ITPR1: variants seen among roughly 807,000 people sequenced by gnomAD.
The protein encoded by ITPR1 is inositol 1,4,5-trisphosphate-gated calcium channel ITPR1.
Under a neutral mutation model 318.4 loss-of-function variants are expected in ITPR1, and 96 were observed. That is an observed-to-expected ratio of 0.30 (90% CI 0.26 to 0.36). ITPR1 has a LOEUF of 0.36. Among genes scored for constraint, ITPR1 ranks in the 10% least tolerant of loss-of-function variants. ITPR1 has a pLI of 1.00. For missense variants in ITPR1, 2,440 were observed against 3,460.2 expected, an observed-to-expected ratio of 0.71 and a Z score of 7.40; for synonymous variants, 1,312 against 1,289.9, an observed-to-expected ratio of 1.02 and a Z score of -0.37.
intron 40 of ITPR1, among the ~76,000 whole-genome samples, chr3:4,721,117 T>C (rs1447402214): frequency 6.8e-6 from 1 of 146,360 alleles, no homozygotes; most frequent in African/African-American, 2.5e-5. Context: ...GATATATATA[T>C]ATATATATTT....
At chr3:4,815,469 T>C (rs2049231841) in intron 59 of ITPR1, among the ~76,000 whole-genome samples, 1 of 152,216 alleles carries the variant, frequency 6.6e-6, no homozygotes, top group Non-Finnish European at 1.5e-5. Flanking sequence ...TGTAACATCA[T>C]TTAGTCATTT....
At chr3:4,628,502 A>G (rs576468294) in intron 5 of ITPR1, among the ~76,000 whole-genome samples, 1 of 152,282 alleles carries the variant, frequency 6.6e-6, no homozygotes, top group African/African-American at 2.4e-5. Context: ...TAGTTCTTTT[A>G]GTGCCCTGCA....
Position 4,766,610 on chromosome 3 carries a change from C to A in ITPR1, c.5625C>A (p.Ala1875=). The change falls in exon 45 of 62, where the codon GCC becomes GCA. Residue 1875 remains alanine (A), a synonymous_variant. Transcript: ENST00000649015. ...TGTTTTATGACCGGATGAAGGTGGCCCAGCAAGAAATCAAAGCAACAGTGA... is the reference window on the plus strand; with the variant it reads ...TGTTTTATGACCGGATGAAGGTGGCACAGCAAGAAATCAAAGCAACAGTGA... The part of the protein sequence containing the change: ...FKVFYDRMKV[A]QQEIKATVTV... 1 of 1,613,540 alleles carries A rather than the reference C, an allele frequency of 6.2e-7. No individual in the cohort carries two copies. The highest frequency in any genetic ancestry group is 8.5e-7 in the Non-Finnish European group (1 of 1,179,648).
At chr3:4,614,141 C>T (rs189725689) in intron 4 of ITPR1, among the ~76,000 whole-genome samples, 156 of 152,318 alleles carry the variant, frequency 1.0e-3, no homozygotes, top group Non-Finnish European at 1.7e-3. Flanking sequence ...CAGTGCATAC[C>T]TCTAGTCCCA....
chr3:4,573,141 T>C (rs919374148), intron 4 of ITPR1, among the ~76,000 whole-genome samples: 1 of 152,222 alleles, frequency 6.6e-6, no homozygotes, highest in African/African-American at 2.4e-5. Context: ...AGCTCTACTT[T>C]TGATTTTTTG....
chr3:4,754,325 T>G (rs1393506703), intron 44 of ITPR1, among the ~76,000 whole-genome samples: 2 of 152,132 alleles, frequency 1.3e-5, no homozygotes, highest in African/African-American at 4.8e-5. Context: ...CACTGGACCC[T>G]CCTCCCGGGA....
intron 4 of ITPR1, among the ~76,000 whole-genome samples, chr3:4,611,812 C>G (rs527637229): frequency 6.6e-6 from 1 of 152,022 alleles, no homozygotes; most frequent in Non-Finnish European, 1.5e-5. Context: ...GAAAATTTTA[C>G]ACTTGAAAAT....
At chr3:4,533,547 T>C (rs1346373251) in intron 4 of ITPR1, among the ~76,000 whole-genome samples, 1 of 152,238 alleles carries the variant, frequency 6.6e-6, no homozygotes, top group Non-Finnish European at 1.5e-5. Flanking sequence ...AGAGTGGCTA[T>C]TGTGACTGAA....
At chr3:4,544,298 A>G (rs765652126) in intron 4 of ITPR1, among the ~76,000 whole-genome samples, 4 of 152,096 alleles carry the variant, frequency 2.6e-5, no homozygotes, top group Admixed American at 6.5e-5. Flanking sequence ...TTCTCCTTCC[A>G]TCTAGTTTTT....
chr3:4,669,537 C>T lies in ITPR1; in HGVS notation c.1887-117C>T. 3.2e-6 allele frequency: 3 copies of T among 935,492 alleles called. No individual in the cohort carries two copies. The South Asian group carries it at 5.8e-5, about 18-fold the overall frequency. 57.9% of individuals were successfully genotyped at this position (935,492 alleles called of 1,614,324 possible). A position where few individuals can be genotyped will look rare whatever the true frequency, so the allele number is the denominator to read the frequency against. Reference sequence around the variant, plus strand: ...AACATTGGCATCAAGACTTAGAATGCTGCTGACATGTCTTGGTAAAGGTAT... The same window carrying T: ...AACATTGGCATCAAGACTTAGAATGTTGCTGACATGTCTTGGTAAAGGTAT... On this transcript the variant is annotated intron_variant, in intron 18 of 61. Transcript: ENST00000649015.
At chr3:4,494,677 T>A (rs1351539108) in intron 2 of ITPR1, among the ~76,000 whole-genome samples, 171 bp downstream of exon 2, 1 of 152,070 alleles carries the variant, frequency 6.6e-6, no homozygotes, top group African/African-American at 2.4e-5. Flanking sequence ...GGAGCAGAGG[T>A]CCAGTGGACA....
intron 4 of ITPR1, among the ~76,000 whole-genome samples, chr3:4,553,418 G>T (rs1297930556): frequency 6.6e-6 from 1 of 151,982 alleles, no homozygotes; most frequent in Admixed American, 6.6e-5. Context: ...TTTGAAGTTT[G>T]TTCTTGCTAT....
intron 50 of ITPR1, among the ~76,000 whole-genome samples, chr3:4,783,182 C>T (rs1047852249): frequency 2.0e-5 from 3 of 152,144 alleles, no homozygotes; most frequent in Admixed American, 6.5e-5. Context: ...TTTGGGGATA[C>T]GGCAATACTT....
chr3:4,812,599 T>C (rs2049010394), intron 56 of ITPR1, among the ~76,000 whole-genome samples: 1 of 152,204 alleles, frequency 6.6e-6, no homozygotes, highest in South Asian at 2.1e-4. Context: ...AGTGAAATAC[T>C]ACTGGTTTTT....
At chr3:4,769,029 C>T (rs1211572795) in intron 46 of ITPR1, among the ~76,000 whole-genome samples, 4 of 151,904 alleles carry the variant, frequency 2.6e-5, no homozygotes, top group African/African-American at 9.7e-5. Flanking sequence ...CCTTCCTCAG[C>T]TTCCCAAGTA....
chr3:4,767,707 T>G (rs1350762824), intron 45 of ITPR1, among the ~76,000 whole-genome samples: 1 of 152,188 alleles, frequency 6.6e-6, no homozygotes. Context: ...ATTTTTTGTT[T>G]TGTAGAGATG....
At chr3:4,742,572 T>C (rs963176045) in intron 44 of ITPR1, among the ~76,000 whole-genome samples, 4 of 152,214 alleles carry the variant, frequency 2.6e-5, no homozygotes, top group African/African-American at 9.7e-5. Flanking sequence ...GCACCTCACG[T>C]GGCATCTGGC....
rs56738231 is a variant in ITPR1, at chr3:4,609,001, T to TAA, written c.164-18739_164-18738dup. 2.8e-3 allele frequency among the ~76,000 whole-genome samples: 149 copies of TAA among 53,440 alleles called. 2 individuals carry two copies. Among genetic ancestry groups the TAA allele is most frequent in the Middle Eastern group, 0.02 (1 of 50 alleles). The allele number at this position is 53,440 out of a possible 152,430, so 35.1% of individuals were successfully genotyped here. A position where few individuals can be genotyped will look rare whatever the true frequency, so the allele number is the denominator to read the frequency against. On this transcript the variant is annotated intron_variant, in intron 4 of 61. Coordinates refer to ENST00000649015, the MANE Select transcript of ITPR1 (RefSeq NM_001378452.1). ...GGATAACAGAGTGAGACTCCGTCTTTAAAAAAAAAAAAAAAAAAAAAAAAC... is the reference window on the plus strand; with the variant it reads ...GGATAACAGAGTGAGACTCCGTCTTTAAAAAAAAAAAAAAAAAAAAAAAAAAC...
At chr3:4,566,467 G>A (rs1270501307) in intron 4 of ITPR1, among the ~76,000 whole-genome samples, 1 of 152,216 alleles carries the variant, frequency 6.6e-6, no homozygotes, top group East Asian at 1.9e-4. Context: ...TAAATAAAGA[G>A]CTTAAAGGTA....
Sources: gnomAD v4.1 joint callset for allele counts (sites outside exome capture counted in the v4.1 genomes callset) on GRCh38, gnomAD v4.1.1 for gene constraint, MANE v1.5 for transcripts, NCBI Gene and HGNC (gene_info 2026-07-23, HGNC 2026-07-21) for gene names.